CGGBP1: variants seen among roughly 807,000 people sequenced by gnomAD.
The protein encoded by CGGBP1 is CGG triplet repeat binding protein 1.
Under a neutral mutation model 11.4 loss-of-function variants are expected in CGGBP1, and 4 were observed. The observed-to-expected ratio is 0.35, with a 90% CI of 0.17 to 0.80. CGGBP1 has a LOEUF of 0.80. Ranked by LOEUF, CGGBP1 falls within the 30% of genes least tolerant of loss-of-function variation. CGGBP1 has a pLI of 0.52. For missense variants in CGGBP1, 135 were observed against 202.1 expected (o/e 0.67, Z 2.01); for synonymous variants, 76 against 74.1 (o/e 1.03, Z -0.13).
intron 2 of CGGBP1, among the ~76,000 whole-genome samples, chr3:88,112,298 C>A (rs201901778): frequency 7.1e-6 from 1 of 141,794 alleles, no homozygotes; most frequent in African/African-American, 2.6e-5. Context: ...ATTAAAAAAA[C>A]AACTTTAGGT....
intron 2 of CGGBP1, among the ~76,000 whole-genome samples, chr3:88,119,549 TAAAA>T (rs56122963): frequency 7.0e-6 from 1 of 142,084 alleles, no homozygotes; most frequent in Non-Finnish European, 1.6e-5. Context: ...AATAATAAAT[TAAAA>T]AAAAAAAAAC....
chr3:88,115,582 TTTA>T (rs1157344480), intron 2 of CGGBP1, among the ~76,000 whole-genome samples: 1 of 152,144 alleles, frequency 6.6e-6, no homozygotes, highest in Non-Finnish European at 1.5e-5. Flanking sequence ...AGCTATTAGA[TTTA>T]TTATTTTCTT....
intron 2 of CGGBP1, among the ~76,000 whole-genome samples, chr3:88,114,923 A>G (rs895245540): frequency 6.6e-6 from 1 of 152,224 alleles, no homozygotes; most frequent in African/African-American, 2.4e-5. Flanking sequence ...ATTCAGTGAC[A>G]ACCCCAAATG....
chr3:88,058,962 G>T lies in CGGBP1; in HGVS notation c.-478C>A. On this transcript the variant is annotated 5_prime_UTR_variant, in exon 1 of 4. Coordinates refer to ENST00000482016, the MANE Select transcript of CGGBP1 (RefSeq NM_001008390.2). ...CGTTGCCCGATCGAGCCCCGCGGCG[G>T]CCGCCGTGTCCCCCGCCGCGCCCCG... 4.7e-6 allele frequency: 1 copy of T among 213,418 alleles called. No homozygotes were observed. Among genetic ancestry groups the T allele is most frequent in the South Asian group, 1.3e-4 (1 of 7,754 alleles). 13.2% of individuals were successfully genotyped at this position (213,418 alleles called of 1,614,324 possible).
intron 1 of CGGBP1, chr3:88,141,632 T>A: frequency 1.3e-6 from 2 of 1,494,906 alleles, no homozygotes; most frequent in Non-Finnish European, 1.8e-6. Flanking sequence ...AACAGATGTG[T>A]TCTGTTTTAC....
chr3:88,149,739 CT>C, exon 1 of CGGBP1: 1 of 206,926 alleles, frequency 4.8e-6, no homozygotes, highest in Non-Finnish European at 1.0e-5. Flanking sequence ...CCAAGGCGCT[CT>C]TTTGGAGGAG....
At chr3:88,071,514 C>T (rs1457166409) in intron 2 of CGGBP1, among the ~76,000 whole-genome samples, 4 of 152,158 alleles carry the variant, frequency 2.6e-5, no homozygotes, top group Non-Finnish European at 4.4e-5. Context: ...GGCGCGGTAG[C>T]GGGCGCCTGT....
At chr3:88,125,144 G>A (rs1048274778) in intron 2 of CGGBP1, among the ~76,000 whole-genome samples, 1 of 151,698 alleles carries the variant, frequency 6.6e-6, no homozygotes, top group Non-Finnish European at 1.5e-5. Flanking sequence ...GAACCTGGGA[G>A]GCAGAGGTTG....
Position 88,087,605 on chromosome 3 carries a change from C to T in CGGBP1, c.-228-29382G>A, listed in dbSNP as rs568195259. Among the ~76,000 whole-genome samples, 299 of 152,264 alleles carry T rather than the reference C, an allele frequency of 2.0e-3. 1 individual carries two copies. The highest frequency in any genetic ancestry group is 6.8e-3 in the African/African-American group (281 of 41,558). ...TAGAGGAATGGTCATTGCAACACAG[C>T]GGAGCAAGTCACAGCTTCATCTGTT... On this transcript the variant is annotated intron_variant, in intron 2 of 3. Coordinates refer to the CGGBP1 transcript ENST00000462901.
At chr3:88,111,996 C>T (rs1433832171) in intron 2 of CGGBP1, among the ~76,000 whole-genome samples, 6 of 151,816 alleles carry the variant, frequency 4.0e-5, no homozygotes, top group Non-Finnish European at 8.9e-5. Flanking sequence ...AGGTTATTGA[C>T]TTTTTTAACC....
At chr3:88,078,524 A>C (rs1305294859) in intron 2 of CGGBP1, among the ~76,000 whole-genome samples, 1 of 152,186 alleles carries the variant, frequency 6.6e-6, no homozygotes, top group African/African-American at 2.4e-5. Context: ...GATAGGGGCA[A>C]ATATTCTGTT....
chr3:88,104,113 C>G (rs1435935270), intron 2 of CGGBP1, among the ~76,000 whole-genome samples: 3 of 152,012 alleles, frequency 2.0e-5, no homozygotes, highest in African/African-American at 7.2e-5. Context: ...TGTATGTAAT[C>G]AAAAACTGAG....
In CGGBP1 at chr3:88,131,218, TAAATATAGAA is replaced by T. The variant is rs1438970107; in HGVS notation, c.-229+9742_-229+9751del. Reference sequence around the variant, plus strand: ...AAGTATTTGTCTATGCAGACATATCTAAATATAGAAAAAGTACAGTAAAAATGATATTATA... The same window carrying T: ...AAGTATTTGTCTATGCAGACATATCTAAAGTACAGTAAAAATGATATTATA... On this transcript the variant is annotated intron_variant, in intron 2 of 3. Coordinates refer to the CGGBP1 transcript ENST00000462901. Among the ~76,000 whole-genome samples the T allele has an allele frequency of 2.0e-5, 3 of 152,202 alleles. No individual in the cohort carries two copies. In the East Asian group the frequency reaches 5.8e-4, roughly 29 times the overall value.
At chr3:88,149,824 T>C in exon 1 of CGGBP1, 1 of 552,404 alleles carries the variant, frequency 1.8e-6, no homozygotes. Context: ...CTTCCCTTAA[T>C]TGAGATACGT....
At chr3:88,123,795 G>A (rs1705923104) in intron 2 of CGGBP1, among the ~76,000 whole-genome samples, 1 of 152,148 alleles carries the variant, frequency 6.6e-6, no homozygotes, top group East Asian at 1.9e-4. Flanking sequence ...AGGGACTAGT[G>A]TCCAACTTAC....
At chr3:88,127,395 A>G (rs1234878636) in intron 2 of CGGBP1, among the ~76,000 whole-genome samples, 1 of 151,870 alleles carries the variant, frequency 6.6e-6, no homozygotes, top group Non-Finnish European at 1.5e-5. Flanking sequence ...TGAAGAACCC[A>G]AGGGGTAAAA....
chr3:88,066,909 G>T (rs1457810347), intron 2 of CGGBP1, among the ~76,000 whole-genome samples: 1 of 152,180 alleles, frequency 6.6e-6, no homozygotes, highest in Non-Finnish European at 1.5e-5. Flanking sequence ...CACATTAATT[G>T]TATATTAATA....
At chr3:88,145,453 T>TA (rs1408410154) in intron 1 of CGGBP1, among the ~76,000 whole-genome samples, 1 of 152,146 alleles carries the variant, frequency 6.6e-6, no homozygotes, top group Admixed American at 6.5e-5. Context: ...CATATGATCT[T>TA]AGACTCAATA....
intron 2 of CGGBP1, among the ~76,000 whole-genome samples, chr3:88,122,194 G>A (rs1705810254): frequency 6.6e-6 from 1 of 152,174 alleles, no homozygotes; most frequent in South Asian, 2.1e-4. Flanking sequence ...GTTCATGGAA[G>A]TTGTAGGAGA....
Sources: allele counts gnomAD v4.1 joint callset (sites outside exome capture counted in the v4.1 genomes callset), GRCh38; gene constraint gnomAD v4.1.1; transcripts MANE v1.5; gene names NCBI Gene and HGNC (gene_info 2026-07-23, HGNC 2026-07-21).